ADGRL2: variants seen among roughly 807,000 people sequenced by gnomAD.
ADGRL2 encodes adhesion G protein-coupled receptor L2.
In ADGRL2, 44 loss-of-function variants were observed where a neutral mutation model predicts 157.4. The observed-to-expected ratio is 0.28, with a 90% CI of 0.22 to 0.36. The LOEUF is 0.36. Ranked by LOEUF, ADGRL2 falls within the 10% of genes least tolerant of loss-of-function variation. The pLI is 1.00. For missense variants in ADGRL2, 1,510 were observed against 1,768.9 expected, an observed-to-expected ratio of 0.85 and a Z score of 2.63; for synonymous variants, 585 against 624.7, an observed-to-expected ratio of 0.94 and a Z score of 0.95.
rs558714320 is a variant in ADGRL2, at chr1:81,704,090, C to G, written c.-143+4282C>G. Among the ~76,000 whole-genome samples the G allele has an allele frequency of 6.6e-5, 10 of 152,332 alleles. No individual in the cohort carries two copies. The East Asian group carries it at 9.6e-4, about 15-fold the overall frequency. On this transcript the variant is annotated intron_variant, in intron 1 of 20. Transcript: ENST00000359929. ...CATGACACAAGCCTGTATGGGGATG[C>G]TTAGGCCTCCCTTCATCATCATACT...
At chr1:81,838,709 T>C (rs1557745591) in intron 2 of ADGRL2, among the ~76,000 whole-genome samples, 1 of 152,022 alleles carries the variant, frequency 6.6e-6, no homozygotes, top group Non-Finnish European at 1.5e-5. Flanking sequence ...CTAATCAAGT[T>C]AGAGATCACT....
At chr1:81,620,875 G>A (rs192229196) in intron 3 of ADGRL2, among the ~76,000 whole-genome samples, 1 of 152,168 alleles carries the variant, frequency 6.6e-6, no homozygotes, top group Non-Finnish European at 1.5e-5. Context: ...CGATGAACAC[G>A]GAAGCAGAGC....
chr1:81,600,808 A>T (rs1282875830), intron 3 of ADGRL2, among the ~76,000 whole-genome samples: 2 of 152,232 alleles, frequency 1.3e-5, no homozygotes, highest in Non-Finnish European at 2.9e-5. Flanking sequence ...AAGATTTCTA[A>T]GTAAACTTTG....
chr1:81,727,988 T>C (rs2084596039), intron 1 of ADGRL2, among the ~76,000 whole-genome samples: 1 of 152,150 alleles, frequency 6.6e-6, no homozygotes, highest in Non-Finnish European at 1.5e-5. Flanking sequence ...CTAGAGTATA[T>C]TTAATAAATA....
intron 3 of ADGRL2, among the ~76,000 whole-genome samples, chr1:81,619,836 G>C (rs779747981): frequency 6.6e-6 from 1 of 151,994 alleles, no homozygotes; most frequent in East Asian, 1.9e-4. Context: ...TAAGGAAACA[G>C]ACTCTGGAGT....
chr1:81,430,108 G>A (rs551906582), intron 1 of ADGRL2, among the ~76,000 whole-genome samples: 37 of 152,236 alleles, frequency 2.4e-4, no homozygotes, highest in African/African-American at 8.2e-4. Context: ...GGTCAGGCTG[G>A]TTTCGAACTC....
chr1:81,818,370 C>G (rs985153499), intron 1 of ADGRL2, among the ~76,000 whole-genome samples: 1 of 152,068 alleles, frequency 6.6e-6, no homozygotes, highest in African/African-American at 2.4e-5. Context: ...ATTTTACATT[C>G]AAGATGTAAT....
chr1:81,574,395 A>G (rs928113006), intron 2 of ADGRL2, among the ~76,000 whole-genome samples: 1 of 152,172 alleles, frequency 6.6e-6, no homozygotes, highest in Non-Finnish European at 1.5e-5. Flanking sequence ...CCTCTAGTGT[A>G]AAAGGGTCCC....
chr1:81,722,031 G>A (rs1395175161), intron 1 of ADGRL2: 8 of 431,356 alleles, frequency 1.9e-5, no homozygotes, highest in Non-Finnish European at 2.6e-5. Flanking sequence ...GGTGACTCAC[G>A]CCTGTTATCG....
intron 1 of ADGRL2, among the ~76,000 whole-genome samples, chr1:81,328,319 A>G (rs1051618916): frequency 6.6e-6 from 1 of 152,176 alleles, no homozygotes; most frequent in Non-Finnish European, 1.5e-5. Context: ...AGGAAACCAT[A>G]GTTTAAGATC....
At chr1:81,727,901 A>G (rs1047416235) in intron 1 of ADGRL2, among the ~76,000 whole-genome samples, 1 of 152,138 alleles carries the variant, frequency 6.6e-6, no homozygotes, top group Non-Finnish European at 1.5e-5. Flanking sequence ...TTAGGAAATT[A>G]CAAGTTCCAT....
rs557420578 is a variant in ADGRL2, at chr1:81,611,464, C to T, written c.-143+30484C>T. ...TACTACTTTTATTACTATAAAAAAA[C>T]TCCCAACAACACAAGCCTTATTTCT... On this transcript the variant is annotated intron_variant, in intron 3 of 24. Coordinates refer to the ADGRL2 transcript ENST00000370721. Among the ~76,000 whole-genome samples, 11 of 152,278 alleles carry T rather than the reference C, an allele frequency of 7.2e-5. No individual in the cohort carries two copies. In the South Asian group the frequency reaches 8.3e-4, roughly 11 times the overall value.
chr1:81,427,316 AGTC>A (rs1308942871), intron 1 of ADGRL2: 6 of 724,800 alleles, frequency 8.3e-6, no homozygotes, highest in South Asian at 6.0e-5. Context: ...CAACTATGAC[AGTC>A]GTCCTGGTTA....
intron 2 of ADGRL2, among the ~76,000 whole-genome samples, chr1:81,891,109 T>C (rs2094252937): frequency 6.6e-6 from 1 of 151,934 alleles, no homozygotes; most frequent in Non-Finnish European, 1.5e-5. Context: ...GAAGTATAAT[T>C]TTAGTCTTTT....
intron 1 of ADGRL2, among the ~76,000 whole-genome samples, chr1:81,367,461 A>T (rs907121089): frequency 6.6e-6 from 1 of 152,162 alleles, no homozygotes; most frequent in African/African-American, 2.4e-5. Flanking sequence ...ATAAATGAGA[A>T]CATGTGGTGT....
At chr1:81,470,686 T>C (rs901302198) in intron 2 of ADGRL2, among the ~76,000 whole-genome samples, 3 of 152,178 alleles carry the variant, frequency 2.0e-5, no homozygotes, top group African/African-American at 2.4e-5. Flanking sequence ...TTCTGAACTA[T>C]TGAACACACA....
chr1:81,809,620 C>T (rs1056170246), intron 1 of ADGRL2, among the ~76,000 whole-genome samples: 1 of 151,800 alleles, frequency 6.6e-6, no homozygotes, highest in African/African-American at 2.4e-5. Context: ...AAGGATGCAC[C>T]ATGAGGTTCC....
chr1:81,711,901 A>G (rs1030434734), intron 1 of ADGRL2, among the ~76,000 whole-genome samples: 1 of 152,220 alleles, frequency 6.6e-6, no homozygotes, highest in African/African-American at 2.4e-5. Context: ...ATTAATGAAC[A>G]TGAATTTTCA....
At chr1:81,722,748 GA>G in intron 1 of ADGRL2, 2 of 843,186 alleles carry the variant, frequency 2.4e-6, no homozygotes, top group Non-Finnish European at 4.0e-6. Flanking sequence ...AAAGAGTTAA[GA>G]AGGCTCAAGA....
Sources: allele counts gnomAD v4.1 joint callset (sites outside exome capture counted in the v4.1 genomes callset), GRCh38; gene constraint gnomAD v4.1.1; transcripts MANE v1.5; gene names NCBI Gene and HGNC (gene_info 2026-07-23, HGNC 2026-07-21).